NAV2: variants seen among roughly 807,000 people sequenced by gnomAD.
NAV2 encodes helicase, APC down-regulated 1.
In NAV2, 54 loss-of-function variants were observed where a neutral mutation model predicts 223.2. That is an observed-to-expected ratio of 0.24 (90% CI 0.19 to 0.30). The LOEUF is 0.30. Ranked by LOEUF, NAV2 falls within the 10% of genes least tolerant of loss-of-function variation. The pLI is 1.00. For missense variants in NAV2, 2,806 were observed against 3,147.5 expected (o/e 0.89, Z 2.60); for synonymous variants, 1,279 against 1,239.3 (o/e 1.03, Z -0.67).
chr11:19,708,082 G>A (rs1216002937), upstream of NAV2, among the ~76,000 whole-genome samples: 2 of 152,204 alleles, frequency 1.3e-5, no homozygotes, highest in Admixed American at 6.5e-5. Context: ...AAGCCCCAGA[G>A]GTTACCATTG....
At chr11:19,477,889 T>A (rs2042165693) in intron 1 of NAV2, among the ~76,000 whole-genome samples, 1 of 152,144 alleles carries the variant, frequency 6.6e-6, no homozygotes, top group Admixed American at 6.6e-5. Context: ...GGAATTAAAT[T>A]CTATACCCTG....
At chr11:19,836,153 C>T (rs2060217380) in intron 2 of NAV2, among the ~76,000 whole-genome samples, 2 of 152,206 alleles carry the variant, frequency 1.3e-5, no homozygotes, top group Admixed American at 1.3e-4. Flanking sequence ...GTTTCCCCTT[C>T]TCAACATTTA....
intron 6 of NAV2, among the ~76,000 whole-genome samples, chr11:19,925,930 G>C (rs2044707430): frequency 6.6e-6 from 1 of 152,004 alleles, no homozygotes; most frequent in African/African-American, 2.4e-5. Context: ...TAGTCCACTG[G>C]TCTATATGTC....
At chr11:20,083,406 G>A (rs1261680684) in intron 26 of NAV2, among the ~76,000 whole-genome samples, 2 of 152,184 alleles carry the variant, frequency 1.3e-5, no homozygotes, top group African/African-American at 4.8e-5. Context: ...TAACTGGTTG[G>A]CCTTAAGCGG....
At chr11:20,097,323 T>G (rs182910295) in intron 30 of NAV2, among the ~76,000 whole-genome samples, 229 of 152,298 alleles carry the variant, frequency 1.5e-3, no homozygotes, top group Non-Finnish European at 2.2e-4. Flanking sequence ...AGACTAAACG[T>G]TCACAACCTT....
intron 3 of NAV2, among the ~76,000 whole-genome samples, chr11:19,847,794 A>G (rs977110855): frequency 6.6e-6 from 1 of 152,174 alleles, no homozygotes; most frequent in African/African-American, 2.4e-5. Flanking sequence ...CCCTTAGTTC[A>G]TCCTCCCAAC....
Position 20,048,712 on chromosome 11 carries a change from C to T in NAV2, c.3903-16C>T, listed in dbSNP as rs769442565. ...CACTGGGTGTTCAACCTACACAACC[C>T]TTTGTCTCTTCACAGACTCTTTGGT... On this transcript the variant is annotated splice_polypyrimidine_tract_variant and intron_variant, in intron 14 of 37. Coordinates refer to ENST00000349880, the MANE Select transcript of NAV2 (RefSeq NM_145117.5). 56 of 1,610,572 alleles carry T rather than the reference C, an allele frequency of 3.5e-5. No homozygotes were observed. In the Admixed American group the frequency reaches 9.2e-4, roughly 26 times the overall value.
intron 10 of NAV2, among the ~76,000 whole-genome samples, chr11:19,955,783 G>A (rs953298054): frequency 3.3e-5 from 5 of 152,180 alleles, no homozygotes; most frequent in Non-Finnish European, 1.5e-5. Context: ...CTTATCTGGT[G>A]AATATGTCCA....
intron 26 of NAV2, among the ~76,000 whole-genome samples, chr11:20,089,004 CG>C (rs373611631): frequency 6.8e-6 from 1 of 147,884 alleles, no homozygotes. Flanking sequence ...CCTCCCAAAC[CG>C]AAGAAAAAAA....
chr11:19,760,456 G>A (rs913820980), intron 1 of NAV2, among the ~76,000 whole-genome samples: 1 of 152,174 alleles, frequency 6.6e-6, no homozygotes, highest in Non-Finnish European at 1.5e-5. Flanking sequence ...CAGGCATGTT[G>A]CAGGAAAACA....
chr11:20,076,072 T>C (rs1262398779), intron 22 of NAV2, among the ~76,000 whole-genome samples: 1 of 152,188 alleles, frequency 6.6e-6, no homozygotes, highest in African/African-American at 2.4e-5. Context: ...GAACAGTTCA[T>C]AGACCATTTT....
At chr11:19,752,551 T>G (rs2053919223) in intron 1 of NAV2, among the ~76,000 whole-genome samples, 1 of 152,218 alleles carries the variant, frequency 6.6e-6, no homozygotes, top group African/African-American at 2.4e-5. Flanking sequence ...ATTTTTTTCC[T>G]ACTAATTAAC....
intron 1 of NAV2, among the ~76,000 whole-genome samples, chr11:19,473,121 C>T (rs1162676499): frequency 2.6e-5 from 4 of 152,190 alleles, no homozygotes; most frequent in African/African-American, 9.7e-5. Context: ...TGCTGATTTT[C>T]CCAGCCATGT....
chr11:19,897,061 T>C (rs893626524), intron 6 of NAV2, among the ~76,000 whole-genome samples: 3 of 151,852 alleles, frequency 2.0e-5, no homozygotes, highest in African/African-American at 7.3e-5. Flanking sequence ...CCATAAAAAA[T>C]GATGAGTTCA....
chr11:19,685,541 G>T (rs920490709), intron 1 of NAV2, among the ~76,000 whole-genome samples: 1 of 152,118 alleles, frequency 6.6e-6, no homozygotes, highest in Non-Finnish European at 1.5e-5. Flanking sequence ...GGGTTCCCAT[G>T]CACTTAAATT....
intron 5 of NAV2, among the ~76,000 whole-genome samples, chr11:19,881,826 T>C (rs761355464): frequency 3.9e-5 from 6 of 152,184 alleles, no homozygotes; most frequent in East Asian, 1.9e-4. Flanking sequence ...GTTTGGTTGA[T>C]AGAAAGGTCT....
chr11:20,060,156 T>A (rs747151349), intron 19 of NAV2, among the ~76,000 whole-genome samples: 55 of 152,392 alleles, frequency 3.6e-4, no homozygotes, highest in Non-Finnish European at 6.9e-4. Flanking sequence ...AGTAAATGTA[T>A]GTATATGAGA....
intron 12 of NAV2, among the ~76,000 whole-genome samples, chr11:20,039,826 G>A (rs865888599): frequency 6.6e-6 from 1 of 152,080 alleles, no homozygotes; most frequent in Non-Finnish European, 1.5e-5. Context: ...TTTATTTTTT[G>A]CTACTCAGGG....
At chr11:19,677,118 G>T (rs765135603) in intron 1 of NAV2, among the ~76,000 whole-genome samples, 1 of 152,248 alleles carries the variant, frequency 6.6e-6, no homozygotes, top group South Asian at 2.1e-4. Context: ...TCTGGGGCAA[G>T]CTGCAGTCGG....
Sources: allele counts gnomAD v4.1 joint callset (sites outside exome capture counted in the v4.1 genomes callset), GRCh38; gene constraint gnomAD v4.1.1; transcripts MANE v1.5; gene names NCBI Gene and HGNC (gene_info 2026-07-23, HGNC 2026-07-21).